The following HSD17B11 variants were observed in gnomAD, a reference collection of about 807,000 sequenced individuals.
HSD17B11 encodes hydroxysteroid 17-beta dehydrogenase 11, also known as estradiol 17-beta-dehydrogenase 11.
HSD17B11 carries 22 observed loss-of-function variants against 27.8 expected under a neutral mutation model. The ratio of observed to expected loss-of-function variants is 0.79; its 90% confidence interval spans 0.56 to 1.13. HSD17B11 has a LOEUF of 1.13. Ranked by LOEUF, HSD17B11 falls within the 50% of genes most tolerant of loss-of-function variation. HSD17B11 has a pLI of 0.00. For synonymous variants in HSD17B11, 117 were observed against 132.8 expected (o/e 0.88, Z 0.82); for missense variants, 314 against 351.1 (o/e 0.89, Z 0.84).
At chr4:87,383,913 T>C (rs1720237431) in intron 1 of HSD17B11, among the ~76,000 whole-genome samples, 2 of 152,120 alleles carry the variant, frequency 1.3e-5, no homozygotes, top group Admixed American at 1.3e-4. Context: ...AACCTAATAA[T>C]TGTCAACTAA....
intron 2 of HSD17B11, 112 bp downstream of exon 2, chr4:87,382,143 C>A: frequency 2.6e-6 from 2 of 775,276 alleles, no homozygotes; most frequent in South Asian, 1.8e-5. Context: ...TAACCTTGGT[C>A]AAATAACAAC....
At chr4:87,382,385 C>A in intron 1 of HSD17B11, 23 bp from the exon 2 acceptor site, 2 of 1,444,352 alleles carry the variant, frequency 1.4e-6, no homozygotes, top group Non-Finnish European at 1.9e-6. Flanking sequence ...AAAAAGAGGG[C>A]AAGGTAATAA....
chr4:87,388,345 T>G (rs1243956874), intron 1 of HSD17B11, among the ~76,000 whole-genome samples: 3 of 152,248 alleles, frequency 2.0e-5, no homozygotes, highest in Admixed American at 2.0e-4. Context: ...CAAATCAGAC[T>G]GGCCACATTT....
chr4:87,382,679 T>A (rs1352721129), intron 1 of HSD17B11, among the ~76,000 whole-genome samples: 1 of 152,258 alleles, frequency 6.6e-6, no homozygotes, highest in East Asian at 1.9e-4. Flanking sequence ...CATATCAGGC[T>A]TTAAAAAATG....
At chr4:87,385,134 A>T (rs1282592882) in intron 1 of HSD17B11, among the ~76,000 whole-genome samples, 1 of 152,190 alleles carries the variant, frequency 6.6e-6, no homozygotes, top group Non-Finnish European at 1.5e-5. Flanking sequence ...TCCTCAAGGG[A>T]CATCAACATC....
chr4:87,362,500 T>G (rs1313829581), intron 4 of HSD17B11, among the ~76,000 whole-genome samples: 1 of 152,200 alleles, frequency 6.6e-6, no homozygotes, highest in Non-Finnish European at 1.5e-5. Context: ...CACTCCAGCC[T>G]GGCCAACAGA....
At chr4:87,365,543 C>T (rs867136663) in intron 4 of HSD17B11, among the ~76,000 whole-genome samples, 2 of 152,134 alleles carry the variant, frequency 1.3e-5, no homozygotes, top group African/African-American at 4.8e-5. Context: ...CCTGGCTATG[C>T]TGGAGAGTCA....
chr4:87,362,288 G>A (rs903406288), intron 4 of HSD17B11, among the ~76,000 whole-genome samples: 1 of 152,240 alleles, frequency 6.6e-6, no homozygotes, highest in African/African-American at 2.4e-5. Flanking sequence ...CACTGTGGGA[G>A]GCCAAGGCGG....
chr4:87,380,485 A>AAG lies in HSD17B11; in HGVS notation c.318+1769_318+1770insCT, dbSNP rs1553960405. On this transcript the variant is annotated intron_variant, in intron 2 of 6. Coordinates refer to ENST00000358290, the MANE Select transcript of HSD17B11 (RefSeq NM_016245.5). ...AAGACTGTCTCAAAAAAAAAAAAAA[A>AAG]AAAGAAAAAAGAAAAGAAAAGAGAA... 5.9e-3 allele frequency among the ~76,000 whole-genome samples: 234 copies of AAG among 39,582 alleles called. 4 individuals carry two copies. The highest frequency in any genetic ancestry group is 0.014 in the African/African-American group (216 of 15,200). The allele number at this position is 39,582 out of a possible 152,430, so 26.0% of individuals were successfully genotyped here.
At position 87,384,773 on chromosome 4, in the gene HSD17B11, C is replaced by A. The variant is rs369488401; in HGVS notation, c.211-2411G>T. On this transcript the variant is annotated intron_variant, in intron 1 of 6. Transcript: ENST00000358290. Reference sequence around the variant, plus strand: ...CTGTTGTTTAAGATGTTTATCAAGACAATATGTGCACCACTGAACATAGAC... The same window carrying A: ...CTGTTGTTTAAGATGTTTATCAAGAAAATATGTGCACCACTGAACATAGAC... Among the ~76,000 whole-genome samples, 114 of 144,038 alleles carry A rather than the reference C, an allele frequency of 7.9e-4. 6 individuals carry two copies. The East Asian group carries it at 8.7e-3, about 11-fold the overall frequency. 94.5% of individuals were successfully genotyped at this position (144,038 alleles called of 152,430 possible).
At chr4:87,372,242 CAAAAAAAA>C (rs10618602) in intron 4 of HSD17B11, among the ~76,000 whole-genome samples, 80 of 99,438 alleles carry the variant, frequency 8.0e-4, no homozygotes, top group Non-Finnish European at 9.1e-4. Flanking sequence ...GACTCCGTCT[CAAAAAAAA>C]AAAAAAAAAA....
At chr4:87,361,703 C>T (rs1420567792) in intron 4 of HSD17B11, among the ~76,000 whole-genome samples, 1 of 152,122 alleles carries the variant, frequency 6.6e-6, no homozygotes, top group Non-Finnish European at 1.5e-5. Flanking sequence ...GGAGGCGGAG[C>T]TTGCAGTGAG....
At chr4:87,372,287 TTC>T (rs200891800) in intron 4 of HSD17B11, among the ~76,000 whole-genome samples, 2,570 of 150,748 alleles carry the variant, frequency 0.017, 75 homozygotes, top group African/African-American at 0.059. Context: ...ATGCCTAATA[TTC>T]TCTCTCTCTC....
At chr4:87,356,512 G>T (rs980154832) in intron 5 of HSD17B11, among the ~76,000 whole-genome samples, 1 of 152,084 alleles carries the variant, frequency 6.6e-6, no homozygotes, top group African/African-American at 2.4e-5. Context: ...TGTAACATAC[G>T]CCAGTTATAG....
chr4:87,338,480 A>AATTTT (rs1735096238), intron 6 of HSD17B11, among the ~76,000 whole-genome samples: 1 of 152,364 alleles, frequency 6.6e-6, no homozygotes, highest in African/African-American at 2.4e-5. Flanking sequence ...TAGTAGTTAT[A>AATTTT]ATAACAGTGG....
At chr4:87,363,213 C>T (rs1322232143) in intron 4 of HSD17B11, among the ~76,000 whole-genome samples, 1 of 152,080 alleles carries the variant, frequency 6.6e-6, no homozygotes, top group Non-Finnish European at 1.5e-5. Flanking sequence ...GGAAAAGGAA[C>T]CCAGAAGCCT....
rs62319082 is a variant in HSD17B11 at position 87,363,119 on chromosome 4, T to C, written c.558-5703A>G. On this transcript the variant is annotated intron_variant, in intron 4 of 6. Coordinates refer to ENST00000358290, the MANE Select transcript of HSD17B11 (RefSeq NM_016245.5). ...CATGCATATTTTGCTCTGGTCAAAA[T>C]GAAAAAAAAAATTTTTTTCCTTTAT... 4.1e-3 allele frequency among the ~76,000 whole-genome samples: 629 copies of C among 151,950 alleles called. 5 individuals are homozygous for C. Among genetic ancestry groups the C allele is most frequent in the Non-Finnish European group, 7.8e-3 (532 of 67,946 alleles).
chr4:87,360,885 G>A (rs1735499062), intron 4 of HSD17B11, among the ~76,000 whole-genome samples: 1 of 152,108 alleles, frequency 6.6e-6, no homozygotes, highest in Admixed American at 6.5e-5. Flanking sequence ...AGAAAACGAT[G>A]TTGCACATAA....
intron 5 of HSD17B11, among the ~76,000 whole-genome samples, chr4:87,355,122 C>T (rs889135096): frequency 6.6e-6 from 1 of 151,804 alleles, no homozygotes; most frequent in African/African-American, 2.4e-5. Flanking sequence ...CAAAACAAAA[C>T]CAAGCAAAAT....
Sources: gnomAD v4.1 joint callset for allele counts (sites outside exome capture counted in the v4.1 genomes callset) on GRCh38, gnomAD v4.1.1 for gene constraint, MANE v1.5 for transcripts, NCBI Gene and HGNC (gene_info 2026-07-23, HGNC 2026-07-21) for gene names.